The following UBE2W variants were observed in gnomAD, a reference collection of about 807,000 sequenced individuals.
UBE2W encodes ubiquitin-conjugating enzyme E2 W.
UBE2W carries 18 observed loss-of-function variants against 27.2 expected under a neutral mutation model. The observed-to-expected ratio is 0.66, with a 90% CI of 0.46 to 0.98. The LOEUF (loss-of-function observed/expected upper bound fraction) is 0.98. Ranked by LOEUF, UBE2W falls within the 50% of genes least tolerant of loss-of-function variation. UBE2W has a pLI of 0.00. For missense variants in UBE2W, 90 were observed against 180.2 expected (o/e 0.50, Z 2.87); for synonymous variants, 53 against 57.2 (o/e 0.93, Z 0.33).
chr8:73,862,262 CTAT>C (rs763050308), intron 1 of UBE2W, among the ~76,000 whole-genome samples: 12 of 152,170 alleles, frequency 7.9e-5, no homozygotes, highest in Non-Finnish European at 1.5e-4. Flanking sequence ...AACCCTGTCT[CTAT>C]TAAAAATACA....
chr8:73,878,114 T>G (rs1024701937), intron 1 of UBE2W, among the ~76,000 whole-genome samples: 1 of 152,134 alleles, frequency 6.6e-6, no homozygotes, highest in Admixed American at 6.5e-5. Flanking sequence ...GACTCGGCTC[T>G]CGGGAGATCG....
At chr8:73,868,194 T>A (rs1311023312) in intron 1 of UBE2W, among the ~76,000 whole-genome samples, 1 of 152,094 alleles carries the variant, frequency 6.6e-6, no homozygotes, top group African/African-American at 2.4e-5. Flanking sequence ...ACCCCATCAA[T>A]CTTTGGGGAA....
intron 1 of UBE2W, among the ~76,000 whole-genome samples, chr8:73,844,945 G>A (rs911821751): frequency 8.5e-4 from 128 of 150,718 alleles, no homozygotes; most frequent in Non-Finnish European, 1.3e-3. Context: ...GAGCCCCTCC[G>A]CCTGGCAGCC....
intron 5 of UBE2W, 123 bp from the exon 6 acceptor site, chr8:73,794,238 G>A: frequency 1.7e-6 from 2 of 1,204,320 alleles, no homozygotes; most frequent in Non-Finnish European, 2.3e-6. Context: ...TGTCTGATCT[G>A]CCTCCCCCAA....
intron 4 of UBE2W, among the ~76,000 whole-genome samples, chr8:73,807,395 G>A (rs1808956999): frequency 6.6e-6 from 1 of 152,148 alleles, no homozygotes; most frequent in Non-Finnish European, 1.5e-5. Flanking sequence ...TGTGATAGCA[G>A]GAAGGAAAAC....
Position 73,793,262 on chromosome 8 carries a change from A to T in UBE2W, c.*840T>A, listed in dbSNP as rs1484381504. The T allele has an allele frequency of 1.0e-6, 1 of 985,420 alleles. No homozygotes were observed. Among genetic ancestry groups the T allele is most frequent in the Non-Finnish European group, 1.2e-6 (1 of 829,914 alleles). 61.0% of individuals were successfully genotyped at this position (985,420 alleles called of 1,614,324 possible). A position where few individuals can be genotyped will look rare whatever the true frequency, so the allele number is the denominator to read the frequency against. ...AAAAATCTTTAATGTACAAATAACA[A>T]GCCCAAATTATGGACTGCAGCAATT... is the stretch of plus-strand genomic sequence containing the variant. On this transcript the variant is annotated 3_prime_UTR_variant, in exon 6 of 6. Transcript: ENST00000602593.
intron 1 of UBE2W, among the ~76,000 whole-genome samples, chr8:73,862,408 T>C (rs1046029964): frequency 6.6e-6 from 1 of 152,202 alleles, no homozygotes. Flanking sequence ...ATTTATTAAA[T>C]AGGGAATCCT....
In UBE2W at chr8:73,791,846, T is replaced by C. The variant is rs1425154526; in HGVS notation, c.*2256A>G. 3 of 984,734 alleles carry C rather than the reference T, an allele frequency of 3.0e-6. No individual in the cohort carries two copies. In the African/African-American group the frequency reaches 5.2e-5, roughly 17 times the overall value. The allele number at this position is 984,734 out of a possible 1,614,324, so 61.0% of individuals were successfully genotyped here. ...TACTTTCCTCTGTGTCATTTTAGTT[T>C]ACTTTATGGTATTTATATGTAGAGA... On this transcript the variant is annotated 3_prime_UTR_variant, in exon 6 of 6. Transcript: ENST00000602593.
intron 3 of UBE2W, among the ~76,000 whole-genome samples, chr8:73,817,314 C>G (rs760075002): frequency 6.6e-6 from 1 of 151,906 alleles, no homozygotes; most frequent in Non-Finnish European, 1.5e-5. Flanking sequence ...GGTGACAGGG[C>G]GCAACTCCAT....
chr8:73,853,978 C>T (rs543969601), intron 1 of UBE2W, among the ~76,000 whole-genome samples: 17 of 152,004 alleles, frequency 1.1e-4, no homozygotes, highest in African/African-American at 3.9e-4. Flanking sequence ...GTAAGACCCC[C>T]ATCTTTACAA....
At chr8:73,855,612 A>G (rs1467929354) in intron 1 of UBE2W, among the ~76,000 whole-genome samples, 1 of 151,526 alleles carries the variant, frequency 6.6e-6, no homozygotes, top group Non-Finnish European at 1.5e-5. Context: ...CACCATGTTG[A>G]CCAGGCTGGT....
In UBE2W at chr8:73,789,996, A is replaced by G; in HGVS notation, c.*4106T>C. On this transcript the variant is annotated 3_prime_UTR_variant, in exon 6 of 6. Transcript: ENST00000602593. The stretch of plus-strand genomic sequence containing the variant: ...AAAATTTCCTTAATATTAGTACTAA[A>G]GAACTAATTACAGCTAACAGCTCAT... 1 of 985,214 alleles carries G rather than the reference A, an allele frequency of 1.0e-6. No homozygotes were observed. The highest frequency in any genetic ancestry group is 1.7e-5 in the African/African-American group (1 of 57,338). The allele number at this position is 985,214 out of a possible 1,614,324, so 61.0% of individuals were successfully genotyped here.
chr8:73,842,035 A>G (rs2623809), intron 1 of UBE2W, among the ~76,000 whole-genome samples: 141,844 of 152,240 alleles, frequency 0.93, 66,150 homozygotes, highest in African/African-American at 0.98. Flanking sequence ...GTGGCCTCAA[A>G]GCAACCAGCA....
At chr8:73,847,120 G>A (rs1810840889) in intron 1 of UBE2W, among the ~76,000 whole-genome samples, 1 of 152,188 alleles carries the variant, frequency 6.6e-6, no homozygotes, top group Non-Finnish European at 1.5e-5. Context: ...AGTGAGCCAA[G>A]ATTGCGCCAC....
chr8:73,869,385 C>T (rs889709461), intron 1 of UBE2W, among the ~76,000 whole-genome samples: 4 of 151,962 alleles, frequency 2.6e-5, no homozygotes, highest in Admixed American at 1.3e-4. Context: ...GGTTAAACCC[C>T]GTCTCTACAA....
chr8:73,818,383 C>G (rs1429176357), intron 3 of UBE2W, among the ~76,000 whole-genome samples: 1 of 152,210 alleles, frequency 6.6e-6, no homozygotes, highest in Non-Finnish European at 1.5e-5. Context: ...TCTGATCTCC[C>G]TGCACCTTTA....
At chr8:73,805,472 C>CAAAAAAAAAAAAACAAAAAAAAAAA in intron 5 of UBE2W, among the ~76,000 whole-genome samples, 179 bp downstream of exon 5, 1 of 43,694 alleles carries the variant, frequency 2.3e-5, no homozygotes, top group East Asian at 1.1e-3. Context: ...AAAAAAAAAA[C>CAAAAAAAAAAAAACAAAAAAAAAAA]AAAAAAAACT....
At chr8:73,866,289 AAATATATATATATAT>A (rs1811765281) in intron 1 of UBE2W, among the ~76,000 whole-genome samples, 1 of 88,888 alleles carries the variant, frequency 1.1e-5, no homozygotes, top group African/African-American at 5.0e-5. Flanking sequence ...AAAAAAAAAA[AAATATATATATATAT>A]ATATATATAT....
In UBE2W at chr8:73,848,473, C is replaced by T. The variant is rs577811765; in HGVS notation, c.16-18001G>A. ...TGGCTGAGGTGGGAGGATCGCTTTC[C>T]AGGAGTTTGAAACTAGCCTGGGCAA... On this transcript the variant is annotated intron_variant, in intron 1 of 5. Transcript: ENST00000602593. Among the ~76,000 whole-genome samples, 16 of 152,174 alleles carry T rather than the reference C, an allele frequency of 1.1e-4. No individual in the cohort carries two copies. The South Asian group carries it at 3.3e-3, about 32-fold the overall frequency.
Sources: allele counts gnomAD v4.1 joint callset (sites outside exome capture counted in the v4.1 genomes callset), GRCh38; gene constraint gnomAD v4.1.1; transcripts MANE v1.5; gene names NCBI Gene and HGNC (gene_info 2026-07-23, HGNC 2026-07-21).